Variants in GRID2 observed in about 807,000 individuals in gnomAD.
GRID2 encodes glutamate ionotropic receptor delta type subunit 2, also known as glutamate receptor ionotropic, delta-2.
In GRID2, 33 loss-of-function variants were observed where a neutral mutation model predicts 114.8. The observed-to-expected ratio is 0.29, with a 90% CI of 0.22 to 0.38. The LOEUF is 0.38. Ranked by LOEUF, GRID2 falls within the 10% of genes least tolerant of loss-of-function variation. The pLI, the probability that GRID2 is intolerant of heterozygous loss-of-function variation, is 1.00. For missense variants in GRID2, 1,184 were observed against 1,257.7 expected (o/e 0.94, Z 0.89); for synonymous variants, 505 against 449.9 (o/e 1.12, Z -1.55).
intron 8 of GRID2, among the ~76,000 whole-genome samples, chr4:93,387,829 CAAAAAAAA>C (rs11453782): frequency 2.0e-5 from 2 of 99,102 alleles, no homozygotes; most frequent in African/African-American, 6.5e-5. Flanking sequence ...GACTCTGTCT[CAAAAAAAA>C]AAAAAAAAAG....
chr4:92,788,357 C>G (rs1031864295), intron 2 of GRID2, among the ~76,000 whole-genome samples: 1 of 151,670 alleles, frequency 6.6e-6, no homozygotes, highest in African/African-American at 2.4e-5. Context: ...AGACAAAGTC[C>G]CAACTGAAGT....
chr4:93,549,713 G>T (rs1733579633), intron 13 of GRID2, among the ~76,000 whole-genome samples: 2 of 152,070 alleles, frequency 1.3e-5, no homozygotes. Flanking sequence ...TGAAGTTCTT[G>T]TTCATAAAAA....
chr4:92,687,565 C>G (rs565065500), intron 2 of GRID2, among the ~76,000 whole-genome samples: 1 of 152,232 alleles, frequency 6.6e-6, no homozygotes, highest in South Asian at 2.1e-4. Flanking sequence ...CATGGTGGCT[C>G]AAGCCTGTAA....
chr4:93,042,311 A>C (rs1344809058), intron 2 of GRID2, among the ~76,000 whole-genome samples: 24 of 146,454 alleles, frequency 1.6e-4, no homozygotes, highest in East Asian at 1.2e-3. Context: ...ATATATATAT[A>C]TATATATACA....
At chr4:92,899,433 T>C (rs1274922320) in intron 2 of GRID2, among the ~76,000 whole-genome samples, 2 of 152,192 alleles carry the variant, frequency 1.3e-5, no homozygotes, top group African/African-American at 4.8e-5. Flanking sequence ...TCACAAGTGG[T>C]TGAATTTCTG....
At chr4:92,824,350 AT>A (rs1175281160) in intron 2 of GRID2, among the ~76,000 whole-genome samples, 3 of 151,902 alleles carry the variant, frequency 2.0e-5, no homozygotes, top group Admixed American at 6.6e-5. Flanking sequence ...AGTAGCTATG[AT>A]TTTTTTCCCC....
At chr4:93,586,585 G>C (rs534990949) in intron 13 of GRID2, among the ~76,000 whole-genome samples, 1 of 152,060 alleles carries the variant, frequency 6.6e-6, no homozygotes, top group Non-Finnish European at 1.5e-5. Context: ...TCTGATATCA[G>C]TCTGGTAAGA....
intron 1 of GRID2, among the ~76,000 whole-genome samples, chr4:92,396,494 A>G (rs899090330): frequency 6.6e-6 from 1 of 151,966 alleles, no homozygotes; most frequent in Non-Finnish European, 1.5e-5. Flanking sequence ...CATCTTCAAT[A>G]AGCAATTTTT....
At chr4:92,357,493 G>C (rs1728384833) in intron 1 of GRID2, among the ~76,000 whole-genome samples, 1 of 151,780 alleles carries the variant, frequency 6.6e-6, no homozygotes, top group African/African-American at 2.4e-5. Flanking sequence ...TGTTGGTAAG[G>C]AAAAGGATAT....
At chr4:93,547,188 A>C (rs1733306696) in intron 13 of GRID2, among the ~76,000 whole-genome samples, 1 of 152,206 alleles carries the variant, frequency 6.6e-6, no homozygotes, top group Middle Eastern at 3.4e-3. Flanking sequence ...AGTAAATAAA[A>C]CTCCTATAAT....
chr4:93,249,982 A>G (rs1015355435), intron 8 of GRID2, among the ~76,000 whole-genome samples: 60 of 152,182 alleles, frequency 3.9e-4, no homozygotes, highest in Non-Finnish European at 1.3e-4. Context: ...TGACCCAGCA[A>G]TCCCATTACT....
At chr4:92,605,437 G>A (rs1340033258) in intron 2 of GRID2, among the ~76,000 whole-genome samples, 2 of 151,862 alleles carry the variant, frequency 1.3e-5, no homozygotes, top group Admixed American at 6.6e-5. Flanking sequence ...TCTACTAGGG[G>A]CAATATACAA....
intron 2 of GRID2, among the ~76,000 whole-genome samples, chr4:92,989,052 C>A (rs1028076359): frequency 2.6e-5 from 4 of 151,920 alleles, no homozygotes; most frequent in African/African-American, 7.3e-5. Context: ...CCGAAGCGGG[C>A]AGATCACGAG....
chr4:92,737,394 T>A (rs184661291), intron 2 of GRID2, among the ~76,000 whole-genome samples: 26 of 152,212 alleles, frequency 1.7e-4, no homozygotes, highest in African/African-American at 5.8e-4. Flanking sequence ...TCAATTTTTT[T>A]AAGCGGTTCC....
At chr4:93,395,149 G>A (rs528997354) in intron 8 of GRID2, among the ~76,000 whole-genome samples, 2 of 152,012 alleles carry the variant, frequency 1.3e-5, no homozygotes, top group East Asian at 3.9e-4. Context: ...TCAAATAAAA[G>A]CAGTTGCCCT....
intron 2 of GRID2, among the ~76,000 whole-genome samples, chr4:92,818,919 C>T (rs913261490): frequency 6.6e-6 from 1 of 152,026 alleles, no homozygotes; most frequent in Non-Finnish European, 1.5e-5. Flanking sequence ...ATACCCTTCA[C>T]AATAATTCTA....
chr4:93,051,504 T>G (rs921450163), intron 2 of GRID2, among the ~76,000 whole-genome samples: 4 of 151,996 alleles, frequency 2.6e-5, no homozygotes, highest in African/African-American at 4.8e-5. Context: ...CTTCATCAAG[T>G]GTGCAAGATA....
intron 1 of GRID2, among the ~76,000 whole-genome samples, chr4:92,366,234 A>G (rs1728860858): frequency 6.6e-6 from 1 of 152,058 alleles, no homozygotes; most frequent in African/African-American, 2.4e-5. Flanking sequence ...AATCTTGCAC[A>G]TTTAAATCCT....
At chr4:92,532,832 G>A (rs1216023936) in intron 1 of GRID2, among the ~76,000 whole-genome samples, 3 of 152,008 alleles carry the variant, frequency 2.0e-5, no homozygotes, top group Admixed American at 2.0e-4. Flanking sequence ...CAACATTTTG[G>A]GAGGCCGAGG....
Sources: allele counts gnomAD v4.1 joint callset (sites outside exome capture counted in the v4.1 genomes callset), GRCh38; gene constraint gnomAD v4.1.1; transcripts MANE v1.5; gene names NCBI Gene and HGNC (gene_info 2026-07-23, HGNC 2026-07-21).